Variants in L3MBTL4 observed in about 807,000 individuals in gnomAD.
L3MBTL4 encodes the protein L3MBTL histone methyl-lysine binding protein 4.
In L3MBTL4, 70 loss-of-function variants were observed where a neutral mutation model predicts 84.5. The observed-to-expected ratio is 0.83, with a 90% CI of 0.68 to 1.01. The LOEUF (loss-of-function observed/expected upper bound fraction) is 1.01. Among genes scored for constraint, L3MBTL4 ranks in the 50% least tolerant of loss-of-function variants. The probability of loss-of-function intolerance (pLI) is 0.00; values close to 1 mark genes in which losing one functional copy is unlikely to be tolerated. For missense variants in L3MBTL4, 715 were observed against 754.8 expected, an observed-to-expected ratio of 0.95 and a Z score of 0.62; for synonymous variants, 274 against 259.8, an observed-to-expected ratio of 1.05 and a Z score of -0.52.
At chr18:6,279,854 A>G (rs1292335528) in intron 4 of L3MBTL4, among the ~76,000 whole-genome samples, 2 of 152,196 alleles carry the variant, frequency 1.3e-5, no homozygotes, top group African/African-American at 2.4e-5. Flanking sequence ...TATATCCTAG[A>G]GCCACCGAAT....
chr18:6,390,880 A>G (rs1341077767), intron 1 of L3MBTL4, among the ~76,000 whole-genome samples: 1 of 152,198 alleles, frequency 6.6e-6, no homozygotes, highest in Non-Finnish European at 1.5e-5. Flanking sequence ...AGACGTATTC[A>G]CAGCTGAATT....
At chr18:6,236,817 T>C (rs539993889) in intron 10 of L3MBTL4, among the ~76,000 whole-genome samples, 1 of 152,324 alleles carries the variant, frequency 6.6e-6, no homozygotes, top group African/African-American at 2.4e-5. Flanking sequence ...TTTTTAATTC[T>C]TGAAATTATC....
chr18:6,267,914 C>T (rs2048704674), intron 4 of L3MBTL4, among the ~76,000 whole-genome samples: 1 of 152,176 alleles, frequency 6.6e-6, no homozygotes, highest in African/African-American at 2.4e-5. Context: ...GACGGGTCCT[C>T]CCTGGTCACT....
intron 1 of L3MBTL4, among the ~76,000 whole-genome samples, chr18:6,319,368 T>C (rs1467303667): frequency 6.6e-6 from 1 of 151,960 alleles, no homozygotes; most frequent in African/African-American, 2.4e-5. Flanking sequence ...GATAGACCAT[T>C]ATTAGCTAGA....
intron 15 of L3MBTL4, among the ~76,000 whole-genome samples, chr18:6,084,633 C>T (rs2058197497): frequency 6.6e-6 from 1 of 152,184 alleles, no homozygotes. Flanking sequence ...TTGCATTCTG[C>T]AGAGATGGTT....
chr18:6,207,307 G>A (rs890370624), intron 12 of L3MBTL4, among the ~76,000 whole-genome samples: 18 of 152,212 alleles, frequency 1.2e-4, no homozygotes, highest in African/African-American at 3.6e-4. Context: ...TAAGAGCTCA[G>A]GCTGAAGAAC....
chr18:6,194,891 C>G (rs2064375783), intron 12 of L3MBTL4, among the ~76,000 whole-genome samples: 1 of 152,346 alleles, frequency 6.6e-6, no homozygotes, highest in African/African-American at 2.4e-5. Flanking sequence ...GGACTAGCTT[C>G]TCCCAGCACA....
intron 17 of L3MBTL4, 137 bp downstream of exon 17, chr18:5,969,256 A>G: frequency 1.1e-6 from 1 of 912,888 alleles, no homozygotes; most frequent in East Asian, 2.5e-5. Flanking sequence ...TTAGGTTTTA[A>G]AGTTTACATG....
intron 16 of L3MBTL4, among the ~76,000 whole-genome samples, chr18:6,039,612 G>A (rs2056308737): frequency 6.6e-6 from 1 of 152,156 alleles, no homozygotes; most frequent in African/African-American, 2.4e-5. Flanking sequence ...TATGCCAGTG[G>A]ATTTATGCAC....
chr18:6,289,955 G>T (rs1347833591), intron 4 of L3MBTL4, among the ~76,000 whole-genome samples: 1 of 152,116 alleles, frequency 6.6e-6, no homozygotes, highest in Admixed American at 6.5e-5. Context: ...ACAGGGACTT[G>T]CTCTGTTGCC....
chr18:6,226,634 G>C (rs1036135644), intron 10 of L3MBTL4, among the ~76,000 whole-genome samples: 2 of 152,068 alleles, frequency 1.3e-5, no homozygotes, highest in Admixed American at 1.3e-4. Flanking sequence ...TGTACTATGG[G>C]AACAGCTATA....
chr18:6,186,386 C>T (rs928434608), intron 12 of L3MBTL4, among the ~76,000 whole-genome samples: 1 of 151,462 alleles, frequency 6.6e-6, no homozygotes, highest in African/African-American at 2.4e-5. Flanking sequence ...AGGAAGTGAG[C>T]AAAGAAGCTC....
At chr18:6,370,133 CAAAAA>C (rs35835409) in intron 1 of L3MBTL4, among the ~76,000 whole-genome samples, 1 of 88,284 alleles carries the variant, frequency 1.1e-5, no homozygotes. Context: ...GACTCGGTCT[CAAAAA>C]AAAAAAAAAA....
chr18:6,325,467 A>G (rs544749793), intron 1 of L3MBTL4, among the ~76,000 whole-genome samples: 2 of 152,184 alleles, frequency 1.3e-5, no homozygotes, highest in Non-Finnish European at 2.9e-5. Context: ...TTACAGGTGC[A>G]TGCCACCATG....
chr18:6,377,115 T>C (rs2054400748), intron 1 of L3MBTL4, among the ~76,000 whole-genome samples: 1 of 152,078 alleles, frequency 6.6e-6, no homozygotes, highest in South Asian at 2.1e-4. Flanking sequence ...GTCTCAAGGG[T>C]CACAAACCTG....
At chr18:6,300,191 A>G (rs779038331) in intron 4 of L3MBTL4, among the ~76,000 whole-genome samples, 11 of 152,210 alleles carry the variant, frequency 7.2e-5, no homozygotes, top group Non-Finnish European at 1.3e-4. Context: ...CAATTTGGAA[A>G]TTAGTTCCTT....
At chr18:6,150,952 A>G (rs1598917332) in intron 13 of L3MBTL4, among the ~76,000 whole-genome samples, 1 of 152,202 alleles carries the variant, frequency 6.6e-6, no homozygotes, top group Non-Finnish European at 1.5e-5. Context: ...TGAGTGTCTC[A>G]GTGCCAGGGA....
At chr18:6,052,808 AC>A (rs1249298157) in intron 16 of L3MBTL4, among the ~76,000 whole-genome samples, 4 of 152,230 alleles carry the variant, frequency 2.6e-5, no homozygotes, top group African/African-American at 9.6e-5. Context: ...GAATTCCAAC[AC>A]TGCTAGTTCT....
In L3MBTL4 at chr18:6,230,258, G is replaced by A. The variant is rs2046941648; in HGVS notation, c.784+7706C>T. Among the ~76,000 whole-genome samples the A allele has an allele frequency of 2.0e-5, 3 of 152,034 alleles. No homozygotes were observed. The South Asian group carries it at 6.2e-4, about 32-fold the overall frequency. Reference sequence around the variant, plus strand: ...CTCTCCACCCTCAAGAATCCCCCCAGTGTCTCTTGTTGTTTTATTTCTGTC... The same window carrying A: ...CTCTCCACCCTCAAGAATCCCCCCAATGTCTCTTGTTGTTTTATTTCTGTC... On this transcript the variant is annotated intron_variant, in intron 10 of 18. Transcript: ENST00000317931.
Sources: gnomAD v4.1 joint callset for allele counts (sites outside exome capture counted in the v4.1 genomes callset) on GRCh38, gnomAD v4.1.1 for gene constraint, MANE v1.5 for transcripts, NCBI Gene and HGNC (gene_info 2026-07-23, HGNC 2026-07-21) for gene names.